Variants in CSGALNACT1 observed in about 807,000 individuals in gnomAD.
CSGALNACT1 encodes the protein beta4GalNAcT-1.
In CSGALNACT1, 52 loss-of-function variants were observed where a neutral mutation model predicts 51.0. The observed-to-expected ratio is 1.02, with a 90% CI of 0.82 to 1.29. The LOEUF is 1.29. CSGALNACT1 is among the 50% of genes most tolerant of loss of function. The pLI, the probability that CSGALNACT1 is intolerant of heterozygous loss-of-function variation, is 0.00. For synonymous variants in CSGALNACT1, 341 were observed against 254.4 expected (o/e 1.34, Z -3.24); for missense variants, 935 against 679.2 (o/e 1.38, Z -4.19).
upstream of CSGALNACT1, among the ~76,000 whole-genome samples, chr8:19,606,873 T>A (rs190413950): frequency 4.1e-4 from 63 of 152,266 alleles, no homozygotes; most frequent in East Asian, 0.011. Context: ...TTACCAAGTG[T>A]AGCCGGGCAC....
intron 3 of CSGALNACT1, among the ~76,000 whole-genome samples, chr8:19,548,629 G>A (rs764184798): frequency 3.3e-5 from 5 of 151,918 alleles, no homozygotes; most frequent in Admixed American, 6.6e-5. Flanking sequence ...TTATATACAT[G>A]GATTTATTTT....
At chr8:19,587,104 A>T (rs551954064) in intron 3 of CSGALNACT1, among the ~76,000 whole-genome samples, 7 of 152,318 alleles carry the variant, frequency 4.6e-5, no homozygotes, top group African/African-American at 1.7e-4. Flanking sequence ...ACGGCTGCAC[A>T]GTCAGGGCTG....
exon 4 of CSGALNACT1, chr8:19,505,971 A>G: frequency 1.1e-6 from 1 of 950,268 alleles, no homozygotes; most frequent in Non-Finnish European, 1.6e-6. Flanking sequence ...TCCTTCTAGA[A>G]CGAGTTCTGC....
chr8:19,573,375 C>G (rs775689595), intron 3 of CSGALNACT1, among the ~76,000 whole-genome samples: 1 of 152,202 alleles, frequency 6.6e-6, no homozygotes, highest in Non-Finnish European at 1.5e-5. Flanking sequence ...GGATGAAAAC[C>G]TTGGCAGGTG....
chr8:19,499,632 A>T (rs1024566263), intron 4 of CSGALNACT1, among the ~76,000 whole-genome samples: 3 of 152,206 alleles, frequency 2.0e-5, no homozygotes, highest in Non-Finnish European at 2.9e-5. Flanking sequence ...GTCCATGGTC[A>T]AAAGAGCTGG....
chr8:19,718,845 C>A (rs1325802970), intron 1 of CSGALNACT1, among the ~76,000 whole-genome samples: 1 of 152,178 alleles, frequency 6.6e-6, no homozygotes, highest in Non-Finnish European at 1.5e-5. Flanking sequence ...CCTCTCAGAC[C>A]ACAGGAATGA....
intron 1 of CSGALNACT1, among the ~76,000 whole-genome samples, chr8:19,621,394 C>T (rs1209713927): frequency 6.6e-6 from 1 of 152,080 alleles, no homozygotes; most frequent in Non-Finnish European, 1.5e-5. Context: ...AATTTTTATA[C>T]AATTATTGTA....
At chr8:19,668,017 C>G (rs568097919) in intron 1 of CSGALNACT1, among the ~76,000 whole-genome samples, 1 of 152,212 alleles carries the variant, frequency 6.6e-6, no homozygotes, top group African/African-American at 2.4e-5. Context: ...TTAGAAGAAG[C>G]TAGAAAGTAA....
intron 6 of CSGALNACT1, among the ~76,000 whole-genome samples, chr8:19,428,954 C>T (rs1439608166): frequency 4.6e-5 from 7 of 151,076 alleles, no homozygotes; most frequent in Non-Finnish European, 1.0e-4. Context: ...GTGTATAAAT[C>T]AGTGTCATTT....
chr8:19,573,113 G>A (rs745536294), intron 3 of CSGALNACT1, among the ~76,000 whole-genome samples: 48 of 152,166 alleles, frequency 3.2e-4, no homozygotes, highest in Admixed American at 5.9e-4. Flanking sequence ...CTCCCATGGC[G>A]GTAGCATTCG....
At chr8:19,629,557 C>T (rs562603269) in intron 1 of CSGALNACT1, among the ~76,000 whole-genome samples, 198 of 152,364 alleles carry the variant, frequency 1.3e-3, no homozygotes, top group African/African-American at 4.7e-3. Flanking sequence ...TCTGCCTTTA[C>T]AACTCAGATT....
intron 6 of CSGALNACT1, among the ~76,000 whole-genome samples, chr8:19,436,650 T>A (rs943258543): frequency 2.0e-5 from 3 of 152,188 alleles, no homozygotes; most frequent in African/African-American, 7.2e-5. Flanking sequence ...ATCACACCCA[T>A]AATCCCAGAA....
At chr8:19,693,288 A>G (rs1426475774) in intron 1 of CSGALNACT1, among the ~76,000 whole-genome samples, 1 of 151,998 alleles carries the variant, frequency 6.6e-6, no homozygotes, top group Admixed American at 6.6e-5. Context: ...CCCAGCAGAC[A>G]GACCTTCCCT....
At chr8:19,418,930 T>C (rs2153693426) in intron 7 of CSGALNACT1, among the ~76,000 whole-genome samples, 180 bp from the exon 7 acceptor site, 1 of 152,210 alleles carries the variant, frequency 6.6e-6, no homozygotes, top group African/African-American at 2.4e-5. Flanking sequence ...CATTGCAATC[T>C]CTGCCTCCTG....
intron 4 of CSGALNACT1, among the ~76,000 whole-genome samples, chr8:19,491,054 A>G (rs1168039245): frequency 6.6e-6 from 1 of 151,432 alleles, no homozygotes; most frequent in African/African-American, 2.4e-5. Flanking sequence ...TATCTGGAAA[A>G]CACAGCATCA....
chr8:19,704,631 G>A (rs2062057543), intron 1 of CSGALNACT1, among the ~76,000 whole-genome samples: 2 of 152,166 alleles, frequency 1.3e-5, no homozygotes, highest in Admixed American at 6.5e-5. Context: ...TATTTTCACT[G>A]CAGCATTATT....
At chr8:19,722,622 C>T (rs778224210) in intron 1 of CSGALNACT1, among the ~76,000 whole-genome samples, 52 of 152,188 alleles carry the variant, frequency 3.4e-4, no homozygotes, top group African/African-American at 5.5e-4. Context: ...CCACCAAATT[C>T]AATCCAGCTG....
At chr8:19,612,082 C>T (rs1195917474) in intron 1 of CSGALNACT1, among the ~76,000 whole-genome samples, 1 of 152,092 alleles carries the variant, frequency 6.6e-6, no homozygotes, top group Non-Finnish European at 1.5e-5. Context: ...GTGGTTCACG[C>T]CTATAATCCC....
chr8:19,404,432 T>A, exon 10 of CSGALNACT1: 1 of 453,348 alleles, frequency 2.2e-6, no homozygotes, highest in South Asian at 1.6e-5. Flanking sequence ...CTGTATTTAT[T>A]TTTAAAAAAT....
Sources: allele counts gnomAD v4.1 joint callset (sites outside exome capture counted in the v4.1 genomes callset), GRCh38; gene constraint gnomAD v4.1.1; transcripts MANE v1.5; gene names NCBI Gene and HGNC (gene_info 2026-07-23, HGNC 2026-07-21).